RUNX1T1: variants seen among roughly 807,000 people sequenced by gnomAD.
RUNX1T1 encodes the protein RUNX1 partner transcriptional co-repressor 1.
RUNX1T1 carries 4 observed loss-of-function variants against 62.8 expected under a neutral mutation model. That is an observed-to-expected ratio of 0.06 (90% confidence interval 0.03 to 0.15). RUNX1T1 has a LOEUF of 0.15. Among genes scored for constraint, RUNX1T1 ranks in the 10% least tolerant of loss-of-function variants. RUNX1T1 has a pLI of 1.00. For synonymous variants in RUNX1T1, 291 were observed against 286.0 expected, an observed-to-expected ratio of 1.02 and a Z score of -0.18; for missense variants, 508 against 754.3, an observed-to-expected ratio of 0.67 and a Z score of 3.82.
downstream of RUNX1T1, chr8:91,957,881 T>C: frequency 4.5e-6 from 1 of 222,230 alleles, no homozygotes. Flanking sequence ...ATAGATGTAT[T>C]TATTTGCTCA....
intron 1 of RUNX1T1, among the ~76,000 whole-genome samples, chr8:92,062,306 C>T (rs1746568409): frequency 6.6e-6 from 1 of 152,128 alleles, no homozygotes; most frequent in African/African-American, 2.4e-5. Flanking sequence ...CCCCCTCAAC[C>T]TTTAAAATAC....
intron 1 of RUNX1T1, chr8:92,094,999 T>C (rs1202870623): frequency 1.3e-6 from 2 of 1,511,664 alleles, no homozygotes; most frequent in African/African-American, 2.8e-5. Flanking sequence ...CTAAACCCAA[T>C]TAAAGATAAG....
chr8:92,075,936 C>T (rs1834356834), intron 2 of RUNX1T1, 29 bp downstream of exon 2: 1 of 1,573,910 alleles, frequency 6.4e-7, no homozygotes, highest in Non-Finnish European at 8.6e-7. Context: ...AAGTAAATTG[C>T]AAAATCAAAA....
chr8:92,052,679 T>A (rs1830418250), intron 1 of RUNX1T1, among the ~76,000 whole-genome samples: 1 of 152,198 alleles, frequency 6.6e-6, no homozygotes, highest in Non-Finnish European at 1.5e-5. Flanking sequence ...TCTGAGGGCT[T>A]GTTCAAACAC....
chr8:92,033,572 C>T (rs1826666787), intron 1 of RUNX1T1, among the ~76,000 whole-genome samples: 1 of 152,132 alleles, frequency 6.6e-6, no homozygotes, highest in Admixed American at 6.5e-5. Context: ...ATCACTTGAG[C>T]CCAGGAGTTC....
At chr8:92,021,602 C>A (rs1352807709) in intron 1 of RUNX1T1, among the ~76,000 whole-genome samples, 7 of 152,088 alleles carry the variant, frequency 4.6e-5, no homozygotes, top group African/African-American at 1.7e-4. Context: ...CTCTCTCCAC[C>A]ATTAGTAGTG....
At chr8:92,074,210 TAACA>T (rs1834091193) in intron 2 of RUNX1T1, among the ~76,000 whole-genome samples, 1 of 152,202 alleles carries the variant, frequency 6.6e-6, no homozygotes, top group Non-Finnish European at 1.5e-5. Flanking sequence ...CGTACATGAA[TAACA>T]AATAAATGCA....
chr8:92,000,020 T>C (rs1453772134), intron 5 of RUNX1T1, among the ~76,000 whole-genome samples: 1 of 152,134 alleles, frequency 6.6e-6, no homozygotes, highest in African/African-American at 2.4e-5. Flanking sequence ...AAATGTAATT[T>C]TGTGGCTCGG....
intron 1 of RUNX1T1, 132 bp from the exon 2 acceptor site, chr8:92,076,269 C>G (rs1834407148): frequency 1.7e-6 from 1 of 602,858 alleles, no homozygotes; most frequent in African/African-American, 1.9e-5. Flanking sequence ...GATACAAGCT[C>G]TTCTAAATTT....
chr8:91,991,267 G>C (rs1288584883), intron 6 of RUNX1T1, among the ~76,000 whole-genome samples: 1 of 152,088 alleles, frequency 6.6e-6, no homozygotes, highest in East Asian at 1.9e-4. Flanking sequence ...AAAATCAAGT[G>C]ATTTTTAAAA....
At chr8:92,039,251 A>G (rs1827994284) in intron 1 of RUNX1T1, among the ~76,000 whole-genome samples, 1 of 151,678 alleles carries the variant, frequency 6.6e-6, no homozygotes, top group Non-Finnish European at 1.5e-5. Context: ...AAGTGATCCA[A>G]CCGCCTTGGT....
Position 92,068,417 on chromosome 8 carries a change from AC to A in RUNX1T1, c.88+7547del, listed in dbSNP as rs564102218. On this transcript the variant is annotated intron_variant, in intron 2 of 11. Transcript: ENST00000265814. Reference sequence around the variant, plus strand: ...ACTTTCCCTCCTCTCAGCAACAGAGACAAAAACCTGCAGCTCTGCTCTGTGC... The same window carrying A: ...ACTTTCCCTCCTCTCAGCAACAGAGAAAAAACCTGCAGCTCTGCTCTGTGC... Among the ~76,000 whole-genome samples, 325 of 152,258 alleles carry A rather than the reference AC, an allele frequency of 2.1e-3. 2 individuals carry two copies. The highest frequency in any genetic ancestry group is 7.4e-3 in the African/African-American group (306 of 41,550).
intron 1 of RUNX1T1, among the ~76,000 whole-genome samples, chr8:92,061,402 T>C (rs976722259): frequency 2.6e-5 from 4 of 152,214 alleles, no homozygotes; most frequent in African/African-American, 9.6e-5. Flanking sequence ...TAAATCAAGA[T>C]GAAAGCTTAA....
chr8:92,062,769 G>T, exon 1 of RUNX1T1: 1 of 1,520,706 alleles, frequency 6.6e-7, no homozygotes, highest in Non-Finnish European at 8.8e-7. Flanking sequence ...GCAGAAATGT[G>T]GAGGATGACA....
chr8:92,038,120 T>C (rs895561901), intron 1 of RUNX1T1, among the ~76,000 whole-genome samples: 7 of 152,218 alleles, frequency 4.6e-5, no homozygotes, highest in African/African-American at 1.4e-4. Context: ...TAGAGAGCCA[T>C]GGCACAATTT....
intron 1 of RUNX1T1, among the ~76,000 whole-genome samples, chr8:92,085,251 C>G (rs1835916142): frequency 6.6e-6 from 1 of 152,206 alleles, no homozygotes; most frequent in Non-Finnish European, 1.5e-5. Context: ...ACCTGGGCGA[C>G]ACAGGCAAAA....
At chr8:92,044,525 G>C (rs1298129911) in intron 1 of RUNX1T1, among the ~76,000 whole-genome samples, 1 of 152,228 alleles carries the variant, frequency 6.6e-6, no homozygotes, top group African/African-American at 2.4e-5. Flanking sequence ...ACCATGAAGA[G>C]GTGGGCTGAG....
At chr8:92,028,820 T>C (rs1825727208) in intron 1 of RUNX1T1, among the ~76,000 whole-genome samples, 1 of 152,142 alleles carries the variant, frequency 6.6e-6, no homozygotes, top group African/African-American at 2.4e-5. Flanking sequence ...AACATAAGCA[T>C]GTATGTTAAC....
At chr8:92,074,716 T>G (rs1448808113) in intron 2 of RUNX1T1, among the ~76,000 whole-genome samples, 2 of 152,216 alleles carry the variant, frequency 1.3e-5, no homozygotes, top group Non-Finnish European at 2.9e-5. Flanking sequence ...GTAACAACAG[T>G]GCATAAGGTT....
Sources: gnomAD v4.1 joint callset for allele counts (sites outside exome capture counted in the v4.1 genomes callset) on GRCh38, gnomAD v4.1.1 for gene constraint, MANE v1.5 for transcripts, NCBI Gene and HGNC (gene_info 2026-07-23, HGNC 2026-07-21) for gene names.